GLOD4: variants seen among roughly 807,000 people sequenced by gnomAD.
GLOD4 encodes glyoxalase domain containing 4.
GLOD4 carries 44 observed loss-of-function variants against 39.1 expected under a neutral mutation model. The ratio of observed to expected loss-of-function variants is 1.13; its 90% CI spans 0.88 to 1.45. The LOEUF is 1.45. Among genes scored for constraint, GLOD4 ranks in the 40% most tolerant of loss-of-function variants. The pLI is 0.00. For missense variants in GLOD4, 405 were observed against 366.4 expected (o/e 1.11, Z -0.86); for synonymous variants, 145 against 135.0 (o/e 1.07, Z -0.52).
chr17:782,229 G>A lies in GLOD4; in HGVS notation c.27C>T (p.Phe9=). Residue 9 remains phenylalanine, a synonymous_variant, in exon 1 of 9, where the codon TTC becomes TTT. Transcript: ENST00000301329. The stretch of plus-strand genomic sequence containing the variant: ...GGAAGCGGTTTCCCACTTTGAATAC[G>A]AAGTGCAGAGCTCTGCGAGCAGCCA... MAARRALH[F]VFKVGNRFQT... 1.2e-6 allele frequency: 2 copies of A among 1,613,458 alleles called. No homozygotes were observed. The highest frequency in any genetic ancestry group is 1.7e-6 in the Non-Finnish European group (2 of 1,179,670).
chr17:771,065 C>T (rs1012877861), intron 5 of GLOD4: 20 of 288,742 alleles, frequency 6.9e-5, no homozygotes, highest in African/African-American at 4.2e-4. Context: ...AAAGATCTTG[C>T]ATTAAATCCA....
At chr17:782,957 G>C, upstream of GLOD4, 3 of 1,360,562 alleles carry the variant, frequency 2.2e-6, no homozygotes, top group Non-Finnish European at 3.0e-6. Flanking sequence ...CAATGTGCTG[G>C]GATTACAGGC....
rs1909057134 is a variant in GLOD4 at position 776,891 on chromosome 17, A to G, written c.238T>C (p.Tyr80His). ...ACCATAAAGTCATTGCCAAGCTTGTAGTCTCCGACGCCATAATTGTAAGTC... is the reference window on the plus strand; with the variant it reads ...ACCATAAAGTCATTGCCAAGCTTGTGGTCTCCGACGCCATAATTGTAAGTC... ...ELTYNYGVGD[Y>H]KLGNDFMGIT... Residue 80 changes from tyrosine (Y) to histidine (H), a missense_variant, in exon 3 of 9, where the codon TAC becomes CAC. By Grantham distance (83) the Tyr-to-His change is moderately conservative. Transcript: ENST00000301329. 2 of 1,613,218 alleles carry G rather than the reference A, an allele frequency of 1.2e-6. No homozygotes were observed. The highest frequency in any genetic ancestry group is 3.3e-5 in the Admixed American group (2 of 60,008).
chr17:780,170 AAAAAAATAAAAAAT>A (rs1232724880), intron 1 of GLOD4, among the ~76,000 whole-genome samples: 3 of 152,126 alleles, frequency 2.0e-5, no homozygotes, highest in Admixed American at 6.6e-5. Flanking sequence ...TCTCAACATA[AAAAAAATAAAAAAT>A]AAAAAATAAA....
In GLOD4 at chr17:770,030, T is replaced by G. The variant is rs759302550; in HGVS notation, c.744+14A>C. 4.4e-6 allele frequency: 7 copies of G among 1,582,786 alleles called. No individual in the cohort carries two copies. Among genetic ancestry groups the G allele is most frequent in the Non-Finnish European group, 4.3e-6 (5 of 1,151,392 alleles). On this transcript the variant is annotated intron_variant, in intron 7 of 8. Coordinates refer to ENST00000301329, the MANE Select transcript of GLOD4 (RefSeq NM_016080.4). ...CCCCTGGTCCAGCCTGCCCCCTGCC[T>G]GAGAAATACTTACAGGGTCGGCCAG...
Position 766,829 on chromosome 17 carries a change from G to A in GLOD4, c.831+3040C>T, listed in dbSNP as rs1906652874. On this transcript the variant is annotated intron_variant, in intron 8 of 8. Coordinates refer to ENST00000301329, the MANE Select transcript of GLOD4 (RefSeq NM_016080.4). ...CAGAAGAATCGCTTGACCCTGGGAG[G>A]CGAAGGTTGCAGTGAGGCAAGATTG... Among the ~76,000 whole-genome samples the A allele has an allele frequency of 2.0e-5, 3 of 152,198 alleles. No individual in the cohort carries two copies. The South Asian group carries it at 6.2e-4, about 31-fold the overall frequency.
rs760905206 is a variant in GLOD4, at chr17:770,046, G to C, written c.742C>G (p.Pro248Ala). 5 of 1,600,464 alleles carry C rather than the reference G, an allele frequency of 3.1e-6. No homozygotes were observed. In the South Asian group the frequency reaches 4.4e-5, roughly 14 times the overall value. The change falls in exon 7 of 9, where the codon CCT becomes GCT. Residue 248 changes from proline (P) to alanine (A), a missense_variant and splice_region_variant. Pro to Ala is a conservative substitution (Grantham distance 27, BLOSUM62 -1). Transcript: ENST00000301329. The part of the protein sequence containing the change: ...ATVQVVILAD[P>A]DGHEICFVGD... ...CCCCCTGCCTGAGAAATACTTACAG[G>C]GTCGGCCAGAATGACCACCTGTACT...
intron 8 of GLOD4, chr17:764,129 G>C (rs1349221962): frequency 1.3e-5 from 2 of 152,194 alleles, no homozygotes; most frequent in Non-Finnish European, 2.9e-5. Context: ...ATAAGCACAT[G>C]AGAAGGTGCT....
At chr17:767,968 G>C (rs945463100) in intron 8 of GLOD4, among the ~76,000 whole-genome samples, 9 of 139,274 alleles carry the variant, frequency 6.5e-5, no homozygotes, top group Non-Finnish European at 1.1e-4. Flanking sequence ...CGCGCACTCA[G>C]ATTTTTAGAA....
Position 770,460 on chromosome 17 carries a change from T to G in GLOD4, c.591A>C (p.Ala197=). Reference sequence around the variant, plus strand: ...AAGAGAAGGCAATTCTTCCAAAAGCTGCTGCATGGTCCACCCCACCCTTGA... The same window carrying G: ...AAGAGAAGGCAATTCTTCCAAAAGCGGCTGCATGGTCCACCCCACCCTTGA... ...QGVKGGVDHA[A]AFGRIAFSCP... is the part of the protein sequence containing the mutation. The change falls in exon 6 of 9, where the codon GCA becomes GCC. Residue 197 remains alanine, a synonymous_variant. Transcript: ENST00000301329. 6.3e-7 allele frequency: 1 copy of G among 1,595,170 alleles called. No individual in the cohort carries two copies. The highest frequency in any genetic ancestry group is 8.6e-7 in the Non-Finnish European group (1 of 1,162,634).
At position 760,144 on chromosome 17, in the gene GLOD4, C is replaced by T. The variant is rs373779509; in HGVS notation, c.*29G>A. The T allele has an allele frequency of 5.2e-5, 72 of 1,393,566 alleles. No individual in the cohort carries two copies. The highest frequency in any genetic ancestry group is 6.7e-5 in the Non-Finnish European group (66 of 979,092). The allele number at this position is 1,393,566 out of a possible 1,614,324, so 86.3% of individuals were successfully genotyped here. A position where few individuals can be genotyped will look rare whatever the true frequency, so the allele number is the denominator to read the frequency against. On this transcript the variant is annotated 3_prime_UTR_variant, in exon 9 of 9. Coordinates refer to ENST00000301329, the MANE Select transcript of GLOD4 (RefSeq NM_016080.4). ...CCTCACAGGTGCTGGGCAGGAATCA[C>T]AGAGGCTTGCTCTGCATCATGTCTT... is the stretch of plus-strand genomic sequence containing the variant.
chr17:775,814 A>G lies in GLOD4; in HGVS notation c.367T>C (p.Tyr123His). 1 of 1,614,030 alleles carries G rather than the reference A, an allele frequency of 6.2e-7. No homozygotes were observed. Among genetic ancestry groups the G allele is most frequent in the Non-Finnish European group, 8.5e-7 (1 of 1,179,884 alleles). Residue 123 changes from tyrosine to histidine, a missense_variant, in exon 4 of 9, where the codon TAT becomes CAT. Tyr to His is a moderately conservative substitution (Grantham distance 83). Coordinates refer to ENST00000301329, the MANE Select transcript of GLOD4 (RefSeq NM_016080.4). ...CTGCGATTCTGCAAATAGAACTTAT[A>G]TCCTCCCGGGGCCTCGGTTTCAAAA... ...GVFETEAPGG[Y>H]KFYLQNRSLP... is the part of the protein sequence containing the mutation.
rs202190420 is a variant in GLOD4, at chr17:760,249, G to T, written c.832-11C>A. ...ATCTGCTGCCATTGCCTGTAAAATAGAAATAGAATATACACTGACTCCAAG... is the reference window on the plus strand; with the variant it reads ...ATCTGCTGCCATTGCCTGTAAAATATAAATAGAATATACACTGACTCCAAG... On this transcript the variant is annotated splice_polypyrimidine_tract_variant and intron_variant, in intron 8 of 8. Coordinates refer to ENST00000301329, the MANE Select transcript of GLOD4 (RefSeq NM_016080.4). The T allele has an allele frequency of 1.1e-5, 16 of 1,484,874 alleles. No homozygotes were observed. In the East Asian group the frequency reaches 3.4e-4, roughly 31 times the overall value. The allele number at this position is 1,484,874 out of a possible 1,614,324, so 92.0% of individuals were successfully genotyped here.
Position 760,079 on chromosome 17 carries a change from A to G in GLOD4, c.*94T>C. ...CCAAGCCTCCTTGCCTGTACGGGAA[A>G]CAAATCAGAAGAGCATTTATTGGGA... is the stretch of plus-strand genomic sequence containing the variant. On this transcript the variant is annotated 3_prime_UTR_variant, in exon 9 of 9. Coordinates refer to ENST00000301329, the MANE Select transcript of GLOD4 (RefSeq NM_016080.4). The G allele has an allele frequency of 1.3e-6, 1 of 781,210 alleles. No homozygotes were observed. Among genetic ancestry groups the G allele is most frequent in the Non-Finnish European group, 2.3e-6 (1 of 433,052 alleles). The allele number at this position is 781,210 out of a possible 1,614,324, so 48.4% of individuals were successfully genotyped here.
intron 1 of GLOD4, chr17:780,659 T>A (rs1255574866): frequency 4.1e-5 from 6 of 147,108 alleles, no homozygotes; most frequent in Non-Finnish European, 7.4e-5. Context: ...AGGAGAATGG[T>A]GTGAACCCGG....
chr17:783,793 G>A (rs1910382418), upstream of GLOD4, among the ~76,000 whole-genome samples: 1 of 152,190 alleles, frequency 6.6e-6, no homozygotes, highest in South Asian at 2.1e-4. Flanking sequence ...ATTGAAACCC[G>A]TTTTTCACTA....
At chr17:782,551 C>A (rs1910170714), upstream of GLOD4, 1 of 1,613,814 alleles carries the variant, frequency 6.2e-7, no homozygotes, top group South Asian at 1.1e-5. Context: ...GGGAAGCAGC[C>A]CCGCAAGGCA....
intron 4 of GLOD4, among the ~76,000 whole-genome samples, chr17:774,670 T>C (rs1908586157): frequency 6.6e-6 from 1 of 152,184 alleles, no homozygotes; most frequent in Non-Finnish European, 1.5e-5. Flanking sequence ...GGGGTGATCC[T>C]ATTTCTCTTG....
chr17:762,405 T>A (rs79835577), intron 8 of GLOD4, among the ~76,000 whole-genome samples: 2,647 of 152,230 alleles, frequency 0.017, 42 homozygotes, highest in East Asian at 0.06. Context: ...CCTGAAAGGC[T>A]TCCATCCAGG....
Sources: allele counts gnomAD v4.1 joint callset (sites outside exome capture counted in the v4.1 genomes callset), GRCh38; gene constraint gnomAD v4.1.1; transcripts MANE v1.5; gene names NCBI Gene and HGNC (gene_info 2026-07-23, HGNC 2026-07-21).